The following GALNTL6 variants were observed in gnomAD, a reference collection of about 807,000 sequenced individuals.
GALNTL6 encodes the protein polypeptide N-acetylgalactosaminyltransferase-like 6.
In GALNTL6, 46 loss-of-function variants were observed where a neutral mutation model predicts 73.7. That is an observed-to-expected ratio of 0.62 (90% confidence interval 0.49 to 0.80). The LOEUF is 0.80. GALNTL6 is among the 30% of genes least tolerant of loss of function. The probability of loss-of-function intolerance (pLI) is 0.00; values close to 1 mark genes in which losing one functional copy is unlikely to be tolerated. For missense variants in GALNTL6, 604 were observed against 755.0 expected (o/e 0.80, Z 2.34); for synonymous variants, 259 against 263.7 (o/e 0.98, Z 0.17).
intron 2 of GALNTL6, among the ~76,000 whole-genome samples, chr4:171,824,077 T>TTTTATATATATATATA (rs1301842709): frequency 1.6e-3 from 212 of 129,078 alleles, no homozygotes; most frequent in African/African-American, 2.4e-3. Context: ...CAAATCCATT[T>TTTTATATATATATATA]TATATATATA....
chr4:172,999,101 CA>C (rs1751926982), intron 10 of GALNTL6, among the ~76,000 whole-genome samples: 1 of 151,878 alleles, frequency 6.6e-6, no homozygotes, highest in South Asian at 2.1e-4. Context: ...GGAATGTGAG[CA>C]AGGCAGGAAC....
intron 5 of GALNTL6, among the ~76,000 whole-genome samples, chr4:172,671,134 C>T (rs920351015): frequency 1.3e-5 from 2 of 152,044 alleles, no homozygotes; most frequent in African/African-American, 4.8e-5. Context: ...GCTATTCAGG[C>T]TCTTTTTTGG....
rs112263597 is a variant in GALNTL6, at chr4:171,964,268, G to T, written c.138+149550G>T. Among the ~76,000 whole-genome samples the T allele has an allele frequency of 3.1e-3, 478 of 151,872 alleles. 2 individuals are homozygous for T. The highest frequency in any genetic ancestry group is 4.8e-3 in the Non-Finnish European group (328 of 67,974). ...AACTTGTTAGTTTCTAAGTAGGATA[G>T]AACCTCAAATCTCAGACTCCTAGTG... On this transcript the variant is annotated intron_variant, in intron 2 of 12. Coordinates refer to ENST00000506823, the MANE Select transcript of GALNTL6 (RefSeq NM_001034845.3).
chr4:172,179,649 T>C (rs539166774), intron 2 of GALNTL6, among the ~76,000 whole-genome samples: 1 of 148,080 alleles, frequency 6.8e-6, no homozygotes, highest in East Asian at 1.9e-4. Flanking sequence ...GTGCAGAAGC[T>C]CTTTAGTTTA....
intron 2 of GALNTL6, among the ~76,000 whole-genome samples, chr4:171,928,426 G>A (rs1340100626): frequency 6.6e-6 from 1 of 152,216 alleles, no homozygotes; most frequent in Non-Finnish European, 1.5e-5. Context: ...CACAGAAAGA[G>A]TGGTTTTAAC....
At chr4:172,264,121 TAAAG>T (rs1367688134) in intron 3 of GALNTL6, among the ~76,000 whole-genome samples, 1 of 151,590 alleles carries the variant, frequency 6.6e-6, no homozygotes, top group African/African-American at 2.4e-5. Context: ...AAGACAGAGA[TAAAG>T]AAGGCCTGGG....
intron 5 of GALNTL6, among the ~76,000 whole-genome samples, chr4:172,613,839 G>T (rs1216643682): frequency 6.6e-6 from 1 of 152,006 alleles, no homozygotes; most frequent in East Asian, 1.9e-4. Flanking sequence ...GAAAAACTGG[G>T]ATCAAGCCTG....
At chr4:172,276,493 T>C (rs1443984736) in intron 3 of GALNTL6, among the ~76,000 whole-genome samples, 1 of 152,240 alleles carries the variant, frequency 6.6e-6, no homozygotes, top group East Asian at 1.9e-4. Context: ...AATGATATGA[T>C]GCCATGTTTC....
At chr4:171,941,098 T>A (rs140651328) in intron 2 of GALNTL6, among the ~76,000 whole-genome samples, 9 of 152,260 alleles carry the variant, frequency 5.9e-5, no homozygotes, top group Admixed American at 2.0e-4. Flanking sequence ...TTATGTAATA[T>A]CATTAATAAT....
intron 5 of GALNTL6, among the ~76,000 whole-genome samples, chr4:172,481,061 G>A (rs141842261): frequency 6.6e-6 from 1 of 152,166 alleles, no homozygotes; most frequent in Non-Finnish European, 1.5e-5. Context: ...ATCGCGGTGA[G>A]TGTTACAGTT....
chr4:172,283,426 C>A (rs1416073333), intron 3 of GALNTL6, among the ~76,000 whole-genome samples: 1 of 152,030 alleles, frequency 6.6e-6, no homozygotes, highest in South Asian at 2.1e-4. Context: ...GAGAAAATAG[C>A]AGTTAATTAT....
chr4:172,678,969 T>C (rs1056219584), intron 5 of GALNTL6, among the ~76,000 whole-genome samples: 4 of 152,204 alleles, frequency 2.6e-5, no homozygotes, highest in African/African-American at 9.6e-5. Flanking sequence ...AATTTGTCCA[T>C]AGCAACGTGA....
At chr4:172,260,774 T>C (rs1738231701) in intron 3 of GALNTL6, among the ~76,000 whole-genome samples, 1 of 151,564 alleles carries the variant, frequency 6.6e-6, no homozygotes, top group Admixed American at 6.6e-5. Flanking sequence ...TTGAGGTATG[T>C]CCTTTCTATG....
chr4:172,682,792 A>G (rs1005280698), intron 5 of GALNTL6, among the ~76,000 whole-genome samples: 16 of 152,246 alleles, frequency 1.1e-4, no homozygotes, highest in Non-Finnish European at 2.2e-4. Flanking sequence ...GGTCAGTTCC[A>G]GGAAGTATTG....
At chr4:172,911,260 T>A (rs1289584864) in intron 8 of GALNTL6, among the ~76,000 whole-genome samples, 1 of 152,248 alleles carries the variant, frequency 6.6e-6, no homozygotes, top group African/African-American at 2.4e-5. Flanking sequence ...ATCATGACAA[T>A]GCTTTGTACA....
chr4:171,972,738 A>G (rs569987882), intron 2 of GALNTL6, among the ~76,000 whole-genome samples: 2 of 152,292 alleles, frequency 1.3e-5, no homozygotes, highest in South Asian at 4.1e-4. Context: ...TATCTATTAA[A>G]TTGGAAATGT....
intron 5 of GALNTL6, among the ~76,000 whole-genome samples, chr4:172,659,725 A>G (rs1731271552): frequency 6.6e-6 from 1 of 152,212 alleles, no homozygotes; most frequent in African/African-American, 2.4e-5. Context: ...TCAATTCTAT[A>G]AGTGTTGACT....
intron 7 of GALNTL6, among the ~76,000 whole-genome samples, chr4:172,838,387 G>A (rs1337061239): frequency 2.6e-5 from 4 of 152,218 alleles, no homozygotes; most frequent in Admixed American, 2.6e-4. Flanking sequence ...TGTGTCCACA[G>A]GGATGTCCCA....
chr4:172,516,660 G>T (rs1048386980), intron 5 of GALNTL6, among the ~76,000 whole-genome samples: 2 of 152,030 alleles, frequency 1.3e-5, no homozygotes, highest in Non-Finnish European at 1.5e-5. Context: ...ATTACTGAGT[G>T]ACTAGCAATT....
Sources: allele counts gnomAD v4.1 joint callset (sites outside exome capture counted in the v4.1 genomes callset), GRCh38; gene constraint gnomAD v4.1.1; transcripts MANE v1.5; gene names NCBI Gene and HGNC (gene_info 2026-07-23, HGNC 2026-07-21).